Variants in JAZF1 observed in about 807,000 individuals in gnomAD.
JAZF1 encodes juxtaposed with another zinc finger protein 1.
JAZF1 carries 8 observed loss-of-function variants against 26.4 expected under a neutral mutation model. The ratio of observed to expected loss-of-function variants is 0.30; its 90% CI spans 0.18 to 0.55. The LOEUF is 0.55. Ranked by LOEUF, JAZF1 falls within the 20% of genes least tolerant of loss-of-function variation. JAZF1 has a pLI of 0.94. For synonymous variants in JAZF1, 126 were observed against 122.3 expected (o/e 1.03, Z -0.20); for missense variants, 199 against 322.0 (o/e 0.62, Z 2.92).
At chr7:27,846,487 T>G (rs1783034167) in intron 3 of JAZF1, 1 of 470,878 alleles carries the variant, frequency 2.1e-6, no homozygotes. Context: ...AATTCTTGTC[T>G]GCTGTAATGC....
chr7:27,993,459 C>A (rs1248477378), intron 1 of JAZF1, among the ~76,000 whole-genome samples: 1 of 152,184 alleles, frequency 6.6e-6, no homozygotes, highest in Admixed American at 6.5e-5. Context: ...GTAACTCTTA[C>A]TCACACTCAT....
intron 3 of JAZF1, among the ~76,000 whole-genome samples, chr7:27,863,299 C>T (rs1189800399): frequency 6.6e-6 from 1 of 152,162 alleles, no homozygotes; most frequent in African/African-American, 2.4e-5. Flanking sequence ...GTTCTCCCTG[C>T]TCTTGAATTA....
At chr7:28,001,624 G>A (rs575728940) in intron 1 of JAZF1, among the ~76,000 whole-genome samples, 3 of 152,318 alleles carry the variant, frequency 2.0e-5, no homozygotes, top group African/African-American at 7.2e-5. Flanking sequence ...AAAGGAGCAG[G>A]GGGTGGCAAG....
At chr7:28,104,704 T>C (rs1194017985) in intron 1 of JAZF1, among the ~76,000 whole-genome samples, 1 of 152,154 alleles carries the variant, frequency 6.6e-6, no homozygotes, top group Non-Finnish European at 1.5e-5. Context: ...TCCTACAACA[T>C]TAGGATTCTG....
At chr7:28,150,311 G>A (rs1237969013) in intron 1 of JAZF1, among the ~76,000 whole-genome samples, 1 of 152,172 alleles carries the variant, frequency 6.6e-6, no homozygotes, top group Non-Finnish European at 1.5e-5. Flanking sequence ...ATTTGGCACA[G>A]ATGGCCTGCA....
rs1361934720 is a variant in JAZF1, at chr7:27,896,711, C to T, written c.189-1295G>A. ...GAAAGCTTGAAGTCAATTAAACACCCAATGAAACAACAGTAATACTGTTAC... is the reference window on the plus strand; with the variant it reads ...GAAAGCTTGAAGTCAATTAAACACCTAATGAAACAACAGTAATACTGTTAC... On this transcript the variant is annotated intron_variant, in intron 2 of 4. Transcript: ENST00000283928. Among the ~76,000 whole-genome samples the T allele has an allele frequency of 9.9e-5, 15 of 152,252 alleles. No individual in the cohort carries two copies. The East Asian group carries it at 2.9e-3, about 29-fold the overall frequency.
chr7:28,169,740 CT>C (rs1783423391), intron 1 of JAZF1, among the ~76,000 whole-genome samples: 1 of 152,124 alleles, frequency 6.6e-6, no homozygotes, highest in South Asian at 2.1e-4. Flanking sequence ...TTATTTATGC[CT>C]ATTACCATGG....
rs1265671760 is a variant in JAZF1 at position 27,861,550 on chromosome 7, T to C, written c.386-20683A>G. On this transcript the variant is annotated intron_variant, in intron 3 of 4. Coordinates refer to ENST00000283928, the MANE Select transcript of JAZF1 (RefSeq NM_175061.4). ...AATTTCCAAAGACTACTTTTTTTAT[T>C]CTTTTTTTTTTCATGCACAAAGCTT... 2.8e-5 allele frequency among the ~76,000 whole-genome samples: 3 copies of C among 108,606 alleles called. No homozygotes were observed. In the Admixed American group the frequency reaches 2.9e-4, roughly 10 times the overall value. 71.2% of individuals were successfully genotyped at this position (108,606 alleles called of 152,430 possible).
intron 1 of JAZF1, among the ~76,000 whole-genome samples, chr7:27,998,071 A>AAGGAAGGAAGGCAGGCAGGC (rs10691690): frequency 1.3e-3 from 147 of 111,574 alleles, no homozygotes; most frequent in Middle Eastern, 4.2e-3. Flanking sequence ...GGAAGGAAGG[A>AAGGAAGGAAGGCAGGCAGGC]AGGCAGGCAG....
At chr7:27,913,142 C>T (rs1185216231) in intron 2 of JAZF1, among the ~76,000 whole-genome samples, 1 of 151,798 alleles carries the variant, frequency 6.6e-6, no homozygotes, top group Non-Finnish European at 1.5e-5. Flanking sequence ...CCAGAATCTG[C>T]CTCCTCATTA....
intron 2 of JAZF1, among the ~76,000 whole-genome samples, chr7:27,990,938 G>A (rs1407480775): frequency 1.3e-5 from 2 of 152,198 alleles, no homozygotes; most frequent in Non-Finnish European, 2.9e-5. Flanking sequence ...GGAAATAGAT[G>A]TTTATGTCAA....
chr7:27,878,669 T>C (rs1411722095), intron 3 of JAZF1, among the ~76,000 whole-genome samples: 2 of 152,208 alleles, frequency 1.3e-5, no homozygotes, highest in Non-Finnish European at 2.9e-5. Flanking sequence ...TAACGCATTT[T>C]GTAAATTTAG....
intron 1 of JAZF1, among the ~76,000 whole-genome samples, chr7:28,021,381 C>T (rs1783004699): frequency 6.6e-6 from 1 of 152,188 alleles, no homozygotes; most frequent in Non-Finnish European, 1.5e-5. Context: ...GATCTGTGAG[C>T]TCTCAAAACC....
chr7:28,060,115 TGTC>T (rs1294193666), intron 1 of JAZF1, among the ~76,000 whole-genome samples: 1 of 152,220 alleles, frequency 6.6e-6, no homozygotes, highest in Admixed American at 6.5e-5. Flanking sequence ...CTATCTAATC[TGTC>T]ATTGATTGCC....
intron 3 of JAZF1, among the ~76,000 whole-genome samples, chr7:27,887,696 G>A (rs1562519307): frequency 6.6e-6 from 1 of 152,178 alleles, no homozygotes; most frequent in African/African-American, 2.4e-5. Flanking sequence ...GATTACAGGC[G>A]TGAACCACTG....
At chr7:28,072,373 T>C (rs1783991276) in intron 1 of JAZF1, among the ~76,000 whole-genome samples, 1 of 152,252 alleles carries the variant, frequency 6.6e-6, no homozygotes. Context: ...ATAAGCCTAC[T>C]ATAGAATATA....
chr7:28,077,720 C>A (rs749609626), intron 1 of JAZF1, among the ~76,000 whole-genome samples: 15 of 152,136 alleles, frequency 9.9e-5, no homozygotes, highest in Non-Finnish European at 2.1e-4. Context: ...TCTGGGTGTA[C>A]AAAAACAGGG....
chr7:27,860,834 G>T (rs915632604), intron 3 of JAZF1, among the ~76,000 whole-genome samples: 1 of 151,802 alleles, frequency 6.6e-6, no homozygotes, highest in South Asian at 2.1e-4. Flanking sequence ...CAGGTATTCT[G>T]GTTCCCCCCA....
intron 1 of JAZF1, among the ~76,000 whole-genome samples, chr7:28,048,578 C>T (rs1309199098): frequency 6.6e-6 from 1 of 152,106 alleles, no homozygotes; most frequent in Non-Finnish European, 1.5e-5. Context: ...CTGCTTTGGC[C>T]AGACTTCTGG....
Sources: gnomAD v4.1 joint callset for allele counts (sites outside exome capture counted in the v4.1 genomes callset) on GRCh38, gnomAD v4.1.1 for gene constraint, MANE v1.5 for transcripts, NCBI Gene and HGNC (gene_info 2026-07-23, HGNC 2026-07-21) for gene names.